DAB1: variants seen among roughly 807,000 people sequenced by gnomAD.
DAB1 encodes DAB adaptor protein 1, also known as disabled homolog 1.
A neutral mutation model predicts 64.6 loss-of-function variants in DAB1; 15 were observed. That is an observed-to-expected ratio of 0.23 (90% CI 0.16 to 0.36). The LOEUF (loss-of-function observed/expected upper bound fraction) is 0.36. Among genes scored for constraint, DAB1 ranks in the 10% least tolerant of loss-of-function variants. The probability of loss-of-function intolerance (pLI) is 1.00; values close to 1 mark genes in which losing one functional copy is unlikely to be tolerated. For missense variants in DAB1, 596 were observed against 706.7 expected, an observed-to-expected ratio of 0.84 and a Z score of 1.78; for synonymous variants, 235 against 251.9, an observed-to-expected ratio of 0.93 and a Z score of 0.64.
chr1:58,414,654 G>GAAGGACATAT (rs936734852), intron 3 of DAB1, among the ~76,000 whole-genome samples: 10 of 151,856 alleles, frequency 6.6e-5, no homozygotes, highest in Non-Finnish European at 1.5e-4. Context: ...TAGCATTATA[G>GAAGGACATAT]AAGGACATAT....
intron 1 of DAB1, among the ~76,000 whole-genome samples, chr1:57,339,478 T>C (rs1677393742): frequency 6.6e-6 from 1 of 152,218 alleles, no homozygotes; most frequent in Non-Finnish European, 1.5e-5. Context: ...AAACGTTTAA[T>C]ACATTGTTTT....
chr1:57,218,172 G>A (rs186932214), intron 2 of DAB1, among the ~76,000 whole-genome samples: 31 of 152,254 alleles, frequency 2.0e-4, no homozygotes, highest in South Asian at 1.9e-3. Flanking sequence ...TGGGAAAGCC[G>A]TGGAAGGCAG....
At chr1:57,371,196 G>A (rs963630595) in intron 1 of DAB1, among the ~76,000 whole-genome samples, 1 of 152,148 alleles carries the variant, frequency 6.6e-6, no homozygotes, top group South Asian at 2.1e-4. Context: ...CTGGACAACC[G>A]AGGCATGGAG....
chr1:57,583,580 C>T (rs370430200), intron 7 of DAB1, among the ~76,000 whole-genome samples: 12 of 152,252 alleles, frequency 7.9e-5, no homozygotes, highest in African/African-American at 2.6e-4. Context: ...CCACCACGCC[C>T]GGCCCAGTTT....
chr1:57,911,848 T>G (rs1644649631), intron 5 of DAB1, among the ~76,000 whole-genome samples: 1 of 152,186 alleles, frequency 6.6e-6, no homozygotes, highest in Admixed American at 6.5e-5. Context: ...CCTTATTCCC[T>G]CAGCACTAGG....
intron 1 of DAB1, among the ~76,000 whole-genome samples, chr1:57,839,812 G>A (rs1652970366): frequency 6.6e-6 from 1 of 152,138 alleles, no homozygotes; most frequent in Non-Finnish European, 1.5e-5. Context: ...AAGTGGAAAA[G>A]GTTTTGCATT....
At chr1:57,606,450 T>C (rs1363453334) in intron 7 of DAB1, among the ~76,000 whole-genome samples, 5 of 122,544 alleles carry the variant, frequency 4.1e-5, no homozygotes, top group African/African-American at 1.2e-4. Flanking sequence ...ATATATAATA[T>C]ATATGAAATA....
intron 6 of DAB1, among the ~76,000 whole-genome samples, chr1:57,748,432 T>C (rs1453728921): frequency 6.6e-6 from 1 of 152,182 alleles, no homozygotes; most frequent in Non-Finnish European, 1.5e-5. Flanking sequence ...ACATGCCTTA[T>C]AGAGTGTTTG....
At position 58,170,873 on chromosome 1, in the gene DAB1, C is replaced by T. The variant is rs538365488; in HGVS notation, n.310-20285G>A. Among the ~76,000 whole-genome samples, 50 of 152,236 alleles carry T rather than the reference C, an allele frequency of 3.3e-4. No homozygotes were observed. The South Asian group carries it at 0.01, about 32-fold the overall frequency. On this transcript the variant is annotated intron_variant and non_coding_transcript_variant, in intron 4 of 20. Transcript: ENST00000485760. ...GCAAGTGCCAGCTCATGTCATCACC[C>T]TCACTGAGCCCCGGATATGTTTAAC...
At chr1:58,011,271 C>T (rs1353052721) in intron 5 of DAB1, among the ~76,000 whole-genome samples, 1 of 152,174 alleles carries the variant, frequency 6.6e-6, no homozygotes, top group Non-Finnish European at 1.5e-5. Flanking sequence ...AATAAGTATT[C>T]TTGTATTGGC....
In DAB1 at chr1:57,226,672, AAT is replaced by A. The variant is rs61660460; in HGVS notation, c.67+64290_67+64291del. The stretch of plus-strand genomic sequence containing the variant: ...GTCACTCAAAAGTGGTTAAAAAAAA[AAT>A]ATATATATATATATATATATATATC... On this transcript the variant is annotated intron_variant, in intron 2 of 14. Transcript: ENST00000371236. Among the ~76,000 whole-genome samples the A allele has an allele frequency of 1.8e-3, 245 of 135,948 alleles. 2 individuals are homozygous for A. The East Asian group carries it at 0.023, about 13-fold the overall frequency. 89.2% of individuals were successfully genotyped at this position (135,948 alleles called of 152,430 possible).
chr1:57,102,409 G>T (rs1654761189), intron 4 of DAB1, among the ~76,000 whole-genome samples: 1 of 152,156 alleles, frequency 6.6e-6, no homozygotes, highest in East Asian at 1.9e-4. Context: ...ACTGAAAGAG[G>T]CTACACTACT....
intron 3 of DAB1, among the ~76,000 whole-genome samples, chr1:58,477,893 T>G (rs78454191): frequency 0.015 from 2,262 of 152,284 alleles, 57 homozygotes; most frequent in African/African-American, 0.05. Context: ...AAATACACCA[T>G]GTACCCTTGA....
intron 7 of DAB1, among the ~76,000 whole-genome samples, chr1:57,576,256 C>A (rs1236503423): frequency 6.6e-6 from 1 of 152,092 alleles, no homozygotes; most frequent in Non-Finnish European, 1.5e-5. Context: ...CCAGGCTAAG[C>A]TATGAGATTT....
At chr1:57,176,946 A>AT (rs1303111849) in intron 2 of DAB1, among the ~76,000 whole-genome samples, 1 of 126,522 alleles carries the variant, frequency 7.9e-6, no homozygotes, top group African/African-American at 4.3e-5. Context: ...GAAGAAGCAG[A>AT]TAAAAAAAAG....
chr1:58,300,599 A>AG (rs1386851984), intron 4 of DAB1, among the ~76,000 whole-genome samples: 24 of 35,468 alleles, frequency 6.8e-4, no homozygotes, highest in African/African-American at 1.8e-3. Flanking sequence ...AAAGAAAGAA[A>AG]GAAAGAAAGA....
At chr1:57,399,704 A>G (rs919600381) in intron 1 of DAB1, among the ~76,000 whole-genome samples, 1 of 152,192 alleles carries the variant, frequency 6.6e-6, no homozygotes, top group Non-Finnish European at 1.5e-5. Context: ...AAGTAAAGTG[A>G]CTTGCCCAAG....
At chr1:57,083,179 T>C (rs1427916245) in intron 4 of DAB1, among the ~76,000 whole-genome samples, 5 of 152,128 alleles carry the variant, frequency 3.3e-5, no homozygotes, top group Admixed American at 3.3e-4. Flanking sequence ...CCTACTTTAC[T>C]ATGGAGGTAC....
At chr1:57,913,835 C>T (rs1032567731) in intron 5 of DAB1, among the ~76,000 whole-genome samples, 6 of 151,496 alleles carry the variant, frequency 4.0e-5, no homozygotes, top group Non-Finnish European at 5.9e-5. Context: ...TCAAAAGACA[C>T]ATGAAAAAAT....
Sources: gnomAD v4.1 joint callset for allele counts (sites outside exome capture counted in the v4.1 genomes callset) on GRCh38, gnomAD v4.1.1 for gene constraint, MANE v1.5 for transcripts, NCBI Gene and HGNC (gene_info 2026-07-23, HGNC 2026-07-21) for gene names.